The following CALN1 variants were observed in gnomAD, a reference collection of about 807,000 sequenced individuals.
CALN1 encodes the protein calneuron 1, also known as calcium-binding protein 8.
Under a neutral mutation model 30.6 loss-of-function variants are expected in CALN1, and 17 were observed. The observed-to-expected ratio is 0.56, with a 90% CI of 0.38 to 0.83. The LOEUF (loss-of-function observed/expected upper bound fraction) is 0.83, where lower values mean the gene tolerates loss of function less well. Among genes scored for constraint, CALN1 ranks in the 40% least tolerant of loss-of-function variants. The pLI, the probability that CALN1 is intolerant of heterozygous loss-of-function variation, is 0.00. For synonymous variants in CALN1, 156 were observed against 131.4 expected, an observed-to-expected ratio of 1.19 and a Z score of -1.28; for missense variants, 291 against 354.9, an observed-to-expected ratio of 0.82 and a Z score of 1.45.
intron 3 of CALN1, among the ~76,000 whole-genome samples, chr7:72,164,840 T>C (rs1183467496): frequency 6.6e-6 from 1 of 151,956 alleles, no homozygotes; most frequent in Non-Finnish European, 1.5e-5. Flanking sequence ...ATTTGTTAAT[T>C]TGGGTGGTAT....
chr7:72,375,036 G>C (rs537989992), intron 2 of CALN1, among the ~76,000 whole-genome samples: 2 of 152,066 alleles, frequency 1.3e-5, no homozygotes, highest in South Asian at 4.2e-4. Flanking sequence ...TATAAAAAAG[G>C]CATCCAGATT....
chr7:72,110,074 C>G (rs1251412908), intron 3 of CALN1, among the ~76,000 whole-genome samples: 2 of 152,196 alleles, frequency 1.3e-5, no homozygotes, highest in Admixed American at 6.5e-5. Context: ...CTCCACTTCC[C>G]ATTCCTTCTG....
rs1792691161 is a variant in CALN1 at position 71,781,127 on chromosome 7, A to C, written c.*6648T>G. 1 of 152,182 alleles carries C rather than the reference A, an allele frequency of 6.6e-6. No individual in the cohort carries two copies. The allele number at this position is 152,182 out of a possible 1,614,324, so 9.4% of individuals were successfully genotyped here. A position where few individuals can be genotyped will look rare whatever the true frequency, so the allele number is the denominator to read the frequency against. ...TCATGGGTGAAATCCAGACCCTCTC[A>C]GTAGGGAGCATTCACTCCATCTTGT... On this transcript the variant is annotated 3_prime_UTR_variant, in exon 7 of 7. Transcript: ENST00000395275.
chr7:72,356,653 T>C (rs1487431787), intron 2 of CALN1, among the ~76,000 whole-genome samples: 2 of 151,990 alleles, frequency 1.3e-5, no homozygotes, highest in African/African-American at 4.8e-5. Flanking sequence ...GCTCAAAATA[T>C]ATAAAGCAAA....
At chr7:72,360,342 TAGAGA>T (rs1230328138) in intron 2 of CALN1, among the ~76,000 whole-genome samples, 1 of 152,030 alleles carries the variant, frequency 6.6e-6, no homozygotes, top group Non-Finnish European at 1.5e-5. Context: ...CAAGAGAGAG[TAGAGA>T]AAAGGAAAAG....
At chr7:72,320,352 A>C (rs540204303) in intron 2 of CALN1, among the ~76,000 whole-genome samples, 2 of 152,260 alleles carry the variant, frequency 1.3e-5, no homozygotes, top group East Asian at 1.9e-4. Flanking sequence ...TCGAGCCTGA[A>C]GTGCGGGAGG....
intron 2 of CALN1, among the ~76,000 whole-genome samples, chr7:72,286,679 G>A (rs1562840848): frequency 6.6e-6 from 1 of 152,204 alleles, no homozygotes; most frequent in African/African-American, 2.4e-5. Flanking sequence ...TTAAAATCCT[G>A]CAGGGGCATG....
intron 2 of CALN1, among the ~76,000 whole-genome samples, chr7:72,341,884 A>T (rs2968510): frequency 0.98 from 149,757 of 152,226 alleles, 73,705 homozygotes; most frequent in Middle Eastern, 1. Flanking sequence ...CACAAACACA[A>T]ATCAAAGACC....
chr7:72,159,338 T>C (rs999794211), intron 3 of CALN1, among the ~76,000 whole-genome samples: 21 of 152,098 alleles, frequency 1.4e-4, no homozygotes. Context: ...CATCTCAAAA[T>C]CATTTTTTAA....
At chr7:72,392,159 C>G (rs1805618121) in intron 2 of CALN1, among the ~76,000 whole-genome samples, 1 of 152,118 alleles carries the variant, frequency 6.6e-6, no homozygotes, top group East Asian at 1.9e-4. Context: ...GTAGATGCTC[C>G]CAGCTGAGCT....
Position 72,380,326 on chromosome 7 carries a change from G to A in CALN1, c.119+22925C>T, listed in dbSNP as rs1371952875. 2.0e-5 allele frequency among the ~76,000 whole-genome samples: 3 copies of A among 152,262 alleles called. 1 individual carries two copies. The highest frequency in any genetic ancestry group is 4.2e-4 in the South Asian group (2 of 4,818). ...CATTGTCCCAATTCTCAAAGAAAGA[G>A]CCTATTCCATCTTAAGAAACAGAGG... On this transcript the variant is annotated intron_variant, in intron 2 of 6. Coordinates refer to ENST00000395275, the MANE Select transcript of CALN1 (RefSeq NM_031468.4).
At chr7:72,084,361 A>G (rs1195097445) in intron 4 of CALN1, among the ~76,000 whole-genome samples, 1 of 151,270 alleles carries the variant, frequency 6.6e-6, no homozygotes, top group East Asian at 2.0e-4. Context: ...AAAACCATAA[A>G]TCTTCCAGCA....
intron 3 of CALN1, among the ~76,000 whole-genome samples, chr7:72,147,460 GA>G (rs1786846140): frequency 7.1e-6 from 1 of 141,158 alleles, no homozygotes; most frequent in East Asian, 1.9e-4. Context: ...AAAAAGTCAG[GA>G]AACAACAGGT....
Position 72,054,438 on chromosome 7 carries a change from T to TATATACATATATACAC in CALN1, c.389-30670_389-30669insGTGTATATATGTATAT, listed in dbSNP as rs1563015373. ...ATATACGTGTATATATACACGTATATATATATATACATATATATACATATA... is the reference window on the plus strand; with the variant it reads ...ATATACGTGTATATATACACGTATATATATACATATATACACATATATATACATATATATACATATA... On this transcript the variant is annotated intron_variant, in intron 4 of 6. Coordinates refer to ENST00000395275, the MANE Select transcript of CALN1 (RefSeq NM_031468.4). 2.0e-3 allele frequency among the ~76,000 whole-genome samples: 100 copies of TATATACATATATACAC among 48,910 alleles called. 3 individuals are homozygous for TATATACATATATACAC. The highest frequency in any genetic ancestry group is 5.6e-3 in the African/African-American group (69 of 12,232). 32.1% of individuals were successfully genotyped at this position (48,910 alleles called of 152,430 possible).
rs1304520645 is a variant in CALN1, at chr7:71,782,342, G to T, written c.*5433C>A. 1.3e-5 allele frequency: 2 copies of T among 152,180 alleles called. No individual in the cohort carries two copies. The highest frequency in any genetic ancestry group is 4.8e-5 in the African/African-American group (2 of 41,442). The allele number at this position is 152,180 out of a possible 1,614,324, so 9.4% of individuals were successfully genotyped here. A position where few individuals can be genotyped will look rare whatever the true frequency, so the allele number is the denominator to read the frequency against. On this transcript the variant is annotated 3_prime_UTR_variant, in exon 7 of 7. Transcript: ENST00000395275. ...ACCTCTTCTCCTCTCTCTTGCTCCT[G>T]TTCTTGCTGTGTGACGTGCCTGCTC...
intron 5 of CALN1, among the ~76,000 whole-genome samples, chr7:71,994,587 C>T (rs139765437): frequency 8.7e-5 from 13 of 150,136 alleles, no homozygotes; most frequent in South Asian, 2.1e-4. Flanking sequence ...ACATGAGATT[C>T]GTTGCCTCAT....
rs1396158294 is a variant in CALN1, at chr7:72,337,216, T to C, written c.120-58406A>G. ...CTCCCCAGCGGATCCCCCAGGGCCTTGCCGCCGACAGCACCACACTCCTCG... is the reference window on the plus strand; with the variant it reads ...CTCCCCAGCGGATCCCCCAGGGCCTCGCCGCCGACAGCACCACACTCCTCG... On this transcript the variant is annotated intron_variant, in intron 2 of 6. Transcript: ENST00000395275. 3 of 985,072 alleles carry C rather than the reference T, an allele frequency of 3.0e-6. No individual in the cohort carries two copies. In the African/African-American group the frequency reaches 5.2e-5, roughly 17 times the overall value. 61.0% of individuals were successfully genotyped at this position (985,072 alleles called of 1,614,324 possible).
intron 3 of CALN1, among the ~76,000 whole-genome samples, chr7:72,119,313 C>T (rs1010123017): frequency 1.3e-5 from 2 of 150,260 alleles, no homozygotes; most frequent in Admixed American, 6.6e-5. Flanking sequence ...AGAGAGAGGA[C>T]TTATGCAGGG....
chr7:72,188,802 G>A (rs568686121), intron 3 of CALN1, among the ~76,000 whole-genome samples: 30 of 152,268 alleles, frequency 2.0e-4, no homozygotes, highest in Admixed American at 4.6e-4. Context: ...AGCTAATATA[G>A]TCTGAAAGCG....
Sources: allele counts gnomAD v4.1 joint callset (sites outside exome capture counted in the v4.1 genomes callset), GRCh38; gene constraint gnomAD v4.1.1; transcripts MANE v1.5; gene names NCBI Gene and HGNC (gene_info 2026-07-23, HGNC 2026-07-21).